The following CACNG2 variants were observed in gnomAD, a reference collection of about 807,000 sequenced individuals.
The protein encoded by CACNG2 is calcium voltage-gated channel auxiliary subunit gamma 2.
CACNG2 carries 3 observed loss-of-function variants against 25.9 expected under a neutral mutation model. The observed-to-expected ratio is 0.12, with a 90% CI of 0.05 to 0.30. The LOEUF (loss-of-function observed/expected upper bound fraction) is 0.30, where lower values mean the gene tolerates loss of function less well. Ranked by LOEUF, CACNG2 falls within the 10% of genes least tolerant of loss-of-function variation. The probability of loss-of-function intolerance (pLI) is 1.00; values close to 1 mark genes in which losing one functional copy is unlikely to be tolerated. For synonymous variants in CACNG2, 167 were observed against 173.3 expected (o/e 0.96, Z 0.29); for missense variants, 341 against 432.5 (o/e 0.79, Z 1.88).
At chr22:36,682,542 T>G (rs1407537714) in intron 1 of CACNG2, among the ~76,000 whole-genome samples, 1 of 140,004 alleles carries the variant, frequency 7.1e-6, no homozygotes, top group Non-Finnish European at 1.5e-5. Flanking sequence ...AATTTAGATA[T>G]GCTGGCTACT....
intron 1 of CACNG2, among the ~76,000 whole-genome samples, chr22:36,630,050 G>A (rs1294543904): frequency 1.3e-5 from 2 of 152,198 alleles, no homozygotes; most frequent in South Asian, 2.1e-4. Flanking sequence ...AAGGCTTTTA[G>A]GCAGAGACAA....
intron 1 of CACNG2, among the ~76,000 whole-genome samples, chr22:36,691,056 C>T (rs1937262865): frequency 1.3e-5 from 2 of 152,158 alleles, no homozygotes; most frequent in African/African-American, 4.8e-5. Context: ...ACACCTCTTC[C>T]TAGGACAGCA....
At chr22:36,660,621 GC>G in intron 1 of CACNG2, among the ~76,000 whole-genome samples, 1 of 152,192 alleles carries the variant, frequency 6.6e-6, no homozygotes, top group East Asian at 1.9e-4. Flanking sequence ...CACCAGCCTG[GC>G]CCCCCACCTT....
chr22:36,619,141 A>G (rs1396884116), intron 1 of CACNG2, among the ~76,000 whole-genome samples: 1 of 152,160 alleles, frequency 6.6e-6, no homozygotes. Flanking sequence ...GGGATGGCCC[A>G]AGATCGCAGT....
At chr22:36,654,380 C>T (rs1936673859) in intron 1 of CACNG2, among the ~76,000 whole-genome samples, 1 of 151,054 alleles carries the variant, frequency 6.6e-6, no homozygotes, top group South Asian at 2.1e-4. Context: ...CGTAGGCCAC[C>T]ACGCCTGGCT....
intron 1 of CACNG2, among the ~76,000 whole-genome samples, chr22:36,589,066 C>T (rs1321556952): frequency 4.0e-5 from 6 of 149,692 alleles, no homozygotes; most frequent in African/African-American, 7.4e-5. Flanking sequence ...TCTCGGCTCA[C>T]GGCAACCTCC....
chr22:36,581,599 G>A (rs1028038596), intron 2 of CACNG2, among the ~76,000 whole-genome samples: 5 of 152,112 alleles, frequency 3.3e-5, no homozygotes, highest in Admixed American at 3.3e-4. Context: ...GATGGTGGGA[G>A]TTACCCCAGA....
At chr22:36,679,235 T>TTTCTTTCTTTCTTTCTTTCC (rs1569049922) in intron 1 of CACNG2, among the ~76,000 whole-genome samples, 1 of 148,462 alleles carries the variant, frequency 6.7e-6, no homozygotes, top group African/African-American at 2.5e-5. Context: ...TCTTTCCTTC[T>TTTCTTTCTTTCTTTCTTTCC]TTCTTTCTTT....
At chr22:36,694,315 C>T (rs909877346) in intron 1 of CACNG2, among the ~76,000 whole-genome samples, 1 of 152,190 alleles carries the variant, frequency 6.6e-6, no homozygotes, top group African/African-American at 2.4e-5. Context: ...GGTCATTTTA[C>T]AATTAGCGGT....
At chr22:36,599,535 A>C (rs188236511) in intron 1 of CACNG2, among the ~76,000 whole-genome samples, 4 of 152,174 alleles carry the variant, frequency 2.6e-5, no homozygotes, top group African/African-American at 9.6e-5. Context: ...TCCTGTCTCT[A>C]CAAAAAAATA....
intron 1 of CACNG2, among the ~76,000 whole-genome samples, chr22:36,648,681 A>T (rs992009829): frequency 4.6e-5 from 7 of 152,148 alleles, no homozygotes; most frequent in Non-Finnish European, 1.0e-4. Context: ...TCTTTATCTG[A>T]TTGAAGTTTT....
chr22:36,590,846 A>C (rs1268638827), intron 1 of CACNG2, among the ~76,000 whole-genome samples: 1 of 150,440 alleles, frequency 6.6e-6, no homozygotes, highest in Non-Finnish European at 1.5e-5. Flanking sequence ...CTCCCTGTGC[A>C]TCTCTGCCTT....
intron 2 of CACNG2, among the ~76,000 whole-genome samples, chr22:36,577,988 C>CTGGG (rs1935353245): frequency 6.6e-6 from 1 of 151,774 alleles, no homozygotes; most frequent in Non-Finnish European, 1.5e-5. Flanking sequence ...GTGTGCCGGG[C>CTGGG]TGGGGCAGGT....
intron 2 of CACNG2, among the ~76,000 whole-genome samples, chr22:36,583,939 C>T (rs1327787377): frequency 2.0e-5 from 3 of 152,248 alleles, no homozygotes; most frequent in Non-Finnish European, 4.4e-5. Flanking sequence ...AGCTACCCCT[C>T]TGATCCTCAA....
At chr22:36,659,151 C>T (rs748697207) in intron 1 of CACNG2, among the ~76,000 whole-genome samples, 7 of 152,142 alleles carry the variant, frequency 4.6e-5, no homozygotes, top group Admixed American at 6.5e-5. Context: ...GGTGTAGGCA[C>T]AGGCCTGCTG....
intron 1 of CACNG2, among the ~76,000 whole-genome samples, chr22:36,641,776 G>T (rs188385375): frequency 5.9e-5 from 9 of 152,260 alleles, no homozygotes; most frequent in African/African-American, 1.9e-4. Flanking sequence ...CCTGGCACAC[G>T]GCAGCAAATT....
At chr22:36,670,855 G>T (rs143738877) in intron 1 of CACNG2, among the ~76,000 whole-genome samples, 1 of 151,608 alleles carries the variant, frequency 6.6e-6, no homozygotes, top group East Asian at 1.9e-4. Flanking sequence ...GAGGCTCAGA[G>T]AATTAAAGTC....
intron 1 of CACNG2, among the ~76,000 whole-genome samples, chr22:36,628,439 A>C (rs905966902): frequency 1.3e-5 from 2 of 152,206 alleles, no homozygotes; most frequent in Non-Finnish European, 2.9e-5. Context: ...GATGTGTGCA[A>C]ACACTAGTTA....
intron 1 of CACNG2, among the ~76,000 whole-genome samples, chr22:36,609,036 C>A (rs919210512): frequency 6.6e-6 from 1 of 152,172 alleles, no homozygotes; most frequent in Non-Finnish European, 1.5e-5. Flanking sequence ...TGTCCCTCAC[C>A]CCAGGAGAGA....
Sources: allele counts gnomAD v4.1 joint callset (sites outside exome capture counted in the v4.1 genomes callset), GRCh38; gene constraint gnomAD v4.1.1; transcripts MANE v1.5; gene names NCBI Gene and HGNC (gene_info 2026-07-23, HGNC 2026-07-21).